ZNF777: variants seen among roughly 807,000 people sequenced by gnomAD.
ZNF777 encodes the protein zinc finger protein 777.
A neutral mutation model predicts 72.1 loss-of-function variants in ZNF777; 7 were observed. The observed-to-expected ratio is 0.10, with a 90% confidence interval of 0.06 to 0.18. ZNF777 has a LOEUF of 0.18. ZNF777 is among the 10% of genes least tolerant of loss of function. The pLI, the probability that ZNF777 is intolerant of heterozygous loss-of-function variation, is 1.00. For synonymous variants in ZNF777, 545 were observed against 483.5 expected (o/e 1.13, Z -1.67); for missense variants, 828 against 1,128.6 (o/e 0.73, Z 3.82).
At chr7:149,458,502 G>GAAACAAAACA (rs59457062) in intron 1 of ZNF777, among the ~76,000 whole-genome samples, 29,973 of 149,228 alleles carry the variant, frequency 0.2, 3,334 homozygotes, top group Middle Eastern at 0.28. Context: ...CTGAAACAAT[G>GAAACAAAACA]AAACAAAACA....
At chr7:149,443,982 C>T (rs1341010646) in intron 4 of ZNF777, among the ~76,000 whole-genome samples, 1 of 152,240 alleles carries the variant, frequency 6.6e-6, no homozygotes, top group Non-Finnish European at 1.5e-5. Flanking sequence ...CCAGCTGACT[C>T]TTTGGTCATT....
chr7:149,440,446 A>G (rs959556402), intron 4 of ZNF777, among the ~76,000 whole-genome samples: 7 of 151,886 alleles, frequency 4.6e-5, no homozygotes, highest in African/African-American at 1.5e-4. Context: ...TGCAGCCTCA[A>G]CCTCCTGGCT....
chr7:149,436,525 T>C lies in ZNF777; in HGVS notation c.1339+50A>G. ...GCTTTCCCAGGGGGCAGGGGCCCTCTGGGAGGCCTCATGGCAACCCTTCCC... is the reference window on the plus strand; with the variant it reads ...GCTTTCCCAGGGGGCAGGGGCCCTCCGGGAGGCCTCATGGCAACCCTTCCC... On this transcript the variant is annotated intron_variant, in intron 5 of 5. Transcript: ENST00000247930. This position sits in a 1 kb window ranked among gnomAD's most constrained non-coding sequence, Gnocchi z 5.0. 1 of 1,539,586 alleles carries C rather than the reference T, an allele frequency of 6.5e-7. No homozygotes were observed. Among genetic ancestry groups the C allele is most frequent in the Non-Finnish European group, 8.8e-7 (1 of 1,142,732 alleles).
At chr7:149,440,489 C>T (rs1340954756) in intron 4 of ZNF777, among the ~76,000 whole-genome samples, 1 of 151,994 alleles carries the variant, frequency 6.6e-6, no homozygotes, top group Admixed American at 6.6e-5. Flanking sequence ...TCTAGAGTAG[C>T]TGGGTCTACA....
chr7:149,434,039 CT>C (rs34248792), intron 5 of ZNF777, among the ~76,000 whole-genome samples: 94,663 of 149,384 alleles, frequency 0.63, 30,236 homozygotes, highest in African/African-American at 0.79. Context: ...CATACCTGTC[CT>C]TTTTTTTTCA....
Position 149,431,650 on chromosome 7 carries a change from G to A in ZNF777, c.*126C>T. The A allele has an allele frequency of 1.1e-6, 1 of 870,972 alleles. No homozygotes were observed. Among genetic ancestry groups the A allele is most frequent in the African/African-American group, 1.9e-5 (1 of 53,634 alleles). 54.0% of individuals were successfully genotyped at this position (870,972 alleles called of 1,614,324 possible). A position where few individuals can be genotyped will look rare whatever the true frequency, so the allele number is the denominator to read the frequency against. On this transcript the variant is annotated 3_prime_UTR_variant, in exon 6 of 6. Coordinates refer to ENST00000247930, the MANE Select transcript of ZNF777 (RefSeq NM_015694.3). ...GTCCTTGGGAGGAGGGACGAGAGGA[G>A]AGGGGGAGCTCACGGCAAAGGGGCT...
chr7:149,452,506 GC>G lies in ZNF777; in HGVS notation c.974-1395del, dbSNP rs1280615409. On this transcript the variant is annotated intron_variant, in intron 3 of 5. Coordinates refer to ENST00000247930, the MANE Select transcript of ZNF777 (RefSeq NM_015694.3). ...AAATTAGCCAGGAGCAGTGGAAGGT[GC>G]CTGTAGTCCCAGCTACTCGGGAGGC... 3.4e-5 allele frequency among the ~76,000 whole-genome samples: 5 copies of G among 147,126 alleles called. No homozygotes were observed. The East Asian group carries it at 1.0e-3, about 31-fold the overall frequency.
chr7:149,459,004 A>G (rs1228058530), intron 1 of ZNF777, among the ~76,000 whole-genome samples: 1 of 152,228 alleles, frequency 6.6e-6, no homozygotes, highest in Non-Finnish European at 1.5e-5. Flanking sequence ...TGACTTATTA[A>G]GAAAGTCATG....
intron 4 of ZNF777, among the ~76,000 whole-genome samples, chr7:149,440,665 G>GTTTTTT (rs199888410): frequency 1.1e-5 from 1 of 88,394 alleles, no homozygotes. Context: ...GCAGCCTGTT[G>GTTTTTT]TTTTTTTGTT....
Position 149,436,835 on chromosome 7 carries a change from G to A in ZNF777, c.1088-9C>T, listed in dbSNP as rs775706382. The A allele has an allele frequency of 6.2e-7, 1 of 1,600,368 alleles. No homozygotes were observed. The highest frequency in any genetic ancestry group is 1.3e-5 in the African/African-American group (1 of 74,794). ...CACGATCCCATCGTGCGCTGAGAGA[G>A]GGTGGGCAGGGGTGAGGAGGAGAAA... On this transcript the variant is annotated splice_polypyrimidine_tract_variant and intron_variant, in intron 4 of 5. Coordinates refer to ENST00000247930, the MANE Select transcript of ZNF777 (RefSeq NM_015694.3). The surrounding 1 kb of genome is among the most constrained non-coding windows in gnomAD (Gnocchi z 5.0).
intron 3 of ZNF777, among the ~76,000 whole-genome samples, chr7:149,452,211 G>A (rs1799732642): frequency 6.6e-6 from 1 of 151,838 alleles, no homozygotes; most frequent in African/African-American, 2.4e-5. Flanking sequence ...CGTGCAGTGA[G>A]CCGAGATCGC....
Position 149,436,494 on chromosome 7 carries a change from A to G in ZNF777, c.1339+81T>C. On this transcript the variant is annotated intron_variant, in intron 5 of 5. Coordinates refer to ENST00000247930, the MANE Select transcript of ZNF777 (RefSeq NM_015694.3). The surrounding 1 kb of genome is among the most constrained non-coding windows in gnomAD (Gnocchi z 5.0). The stretch of plus-strand genomic sequence containing the variant: ...AGTGTCCAGCTACCTCTCTGAAGGA[A>G]CCACAGCTTTCCCAGGGGGCAGGGG... The G allele has an allele frequency of 6.7e-7, 1 of 1,486,528 alleles. No homozygotes were observed. Among genetic ancestry groups the G allele is most frequent in the Non-Finnish European group, 9.0e-7 (1 of 1,112,838 alleles). The allele number at this position is 1,486,528 out of a possible 1,614,324, so 92.1% of individuals were successfully genotyped here. A position where few individuals can be genotyped will look rare whatever the true frequency, so the allele number is the denominator to read the frequency against.
At chr7:149,434,708 G>C (rs963982859) in intron 5 of ZNF777, among the ~76,000 whole-genome samples, 2 of 151,900 alleles carry the variant, frequency 1.3e-5, no homozygotes, top group Admixed American at 1.3e-4. Context: ...TCAGCCTCCC[G>C]AGTAGCTGGG....
chr7:149,459,676 G>A, intron 1 of ZNF777: 1 of 985,188 alleles, frequency 1.0e-6, no homozygotes, highest in Non-Finnish European at 1.2e-6. Context: ...CCTTGGGGCC[G>A]GCAGGGCGGG....
In ZNF777 at chr7:149,433,453, G is replaced by GTCTT. The variant is rs199978987; in HGVS notation, c.1340-525_1340-522dup. On this transcript the variant is annotated intron_variant, in intron 5 of 5. Transcript: ENST00000247930. Reference sequence around the variant, plus strand: ...AGGGTCTCCACTCCTAAGGTTCTCAGTCTTTGCCCCTCTGAGGACATCTCT... The same window carrying GTCTT: ...AGGGTCTCCACTCCTAAGGTTCTCAGTCTTTCTTTGCCCCTCTGAGGACATCTCT... 1.7e-4 allele frequency among the ~76,000 whole-genome samples: 26 copies of GTCTT among 152,328 alleles called. No homozygotes were observed. In the East Asian group the frequency reaches 3.5e-3, roughly 20 times the overall value.
Position 149,448,557 on chromosome 7 carries a change from AGTTATATAGTTAT to A in ZNF777, c.1087+2429_1087+2441del, listed in dbSNP as rs1378609079. Among the ~76,000 whole-genome samples the A allele has an allele frequency of 6.3e-4, 73 of 115,028 alleles. No individual in the cohort carries two copies. The South Asian group carries it at 0.01, about 16-fold the overall frequency. The allele number at this position is 115,028 out of a possible 152,430, so 75.5% of individuals were successfully genotyped here. ...TAGTTATATATATAGTTATACATATAGTTATATAGTTATACATATAACTATATATATATATATA... is the reference window on the plus strand; with the variant it reads ...TAGTTATATATATAGTTATACATATAACATATAACTATATATATATATATA... On this transcript the variant is annotated intron_variant, in intron 4 of 5. Coordinates refer to ENST00000247930, the MANE Select transcript of ZNF777 (RefSeq NM_015694.3).
intron 4 of ZNF777, among the ~76,000 whole-genome samples, chr7:149,441,862 G>A (rs542333311): frequency 2.6e-5 from 4 of 151,540 alleles, no homozygotes; most frequent in African/African-American, 4.9e-5. Context: ...ATTTTTATAG[G>A]TTTTTTTTGA....
chr7:149,432,877 CTCCTCCTCCTCTTCT>C lies in ZNF777; in HGVS notation c.1380_1394del (p.Glu461_Glu465del). Reference sequence around the variant, plus strand: ...ATTGCAAGTGCTGCGGCAGCTCATCCTCCTCCTCCTCTTCTTCCTCCTCGTCTTGTTCCTCTGTCT... The same window carrying C: ...ATTGCAAGTGCTGCGGCAGCTCATCCTCCTCCTCGTCTTGTTCCTCTGTCT... On this transcript the variant is annotated inframe_deletion, in exon 6 of 6. Transcript: ENST00000247930. 1 of 1,547,112 alleles carries C rather than the reference CTCCTCCTCCTCTTCT, an allele frequency of 6.5e-7. No individual in the cohort carries two copies. Among genetic ancestry groups the C allele is most frequent in the Non-Finnish European group, 8.7e-7 (1 of 1,147,480 alleles).
At position 149,452,196 on chromosome 7, in the gene ZNF777, C is replaced by T. The variant is rs1218091732; in HGVS notation, c.974-1084G>A. Among the ~76,000 whole-genome samples the T allele has an allele frequency of 5.3e-5, 8 of 151,666 alleles. No individual in the cohort carries two copies. In the South Asian group the frequency reaches 1.3e-3, roughly 24 times the overall value. On this transcript the variant is annotated intron_variant, in intron 3 of 5. Coordinates refer to ENST00000247930, the MANE Select transcript of ZNF777 (RefSeq NM_015694.3). Reference sequence around the variant, plus strand: ...AGGAGAATAGTGTGAACCCGGGAGGCGGAGCGTGCAGTGAGCCGAGATCGC... The same window carrying T: ...AGGAGAATAGTGTGAACCCGGGAGGTGGAGCGTGCAGTGAGCCGAGATCGC...
Sources: gnomAD v4.1 joint callset for allele counts (sites outside exome capture counted in the v4.1 genomes callset) on GRCh38, gnomAD v4.1.1 for gene constraint, Gnocchi (gnomAD v3.1) non-coding constraint, MANE v1.5 for transcripts, NCBI Gene and HGNC (gene_info 2026-07-23, HGNC 2026-07-21) for gene names.